The following KIAA1671 variants were observed in gnomAD, a reference collection of about 807,000 sequenced individuals.
KIAA1671 encodes the protein uncharacterized protein KIAA1671.
Under a neutral mutation model 131.2 loss-of-function variants are expected in KIAA1671, and 52 were observed. The observed-to-expected ratio is 0.40, with a 90% CI of 0.32 to 0.50. The LOEUF (loss-of-function observed/expected upper bound fraction) is 0.50. KIAA1671 is among the 20% of genes least tolerant of loss of function. The pLI, the probability that KIAA1671 is intolerant of heterozygous loss-of-function variation, is 0.73. For synonymous variants in KIAA1671, 1,003 were observed against 961.6 expected, an observed-to-expected ratio of 1.04 and a Z score of -0.80; for missense variants, 2,360 against 2,364.2, an observed-to-expected ratio of 1.00 and a Z score of 0.04.
intron 6 of KIAA1671, among the ~76,000 whole-genome samples, chr22:25,117,030 G>A (rs1409089339): frequency 1.3e-5 from 2 of 152,150 alleles, no homozygotes; most frequent in Non-Finnish European, 2.9e-5. Context: ...TGCATTGTAA[G>A]CTTATCCCTG....
At chr22:25,063,007 T>C (rs1418967702) in intron 6 of KIAA1671, 1 of 152,056 alleles carries the variant, frequency 6.6e-6, no homozygotes, top group African/African-American at 2.4e-5. Context: ...TCCCTCTTAT[T>C]GCTCTGCTAG....
At chr22:25,036,009 T>C (rs1054803907) in intron 4 of KIAA1671, among the ~76,000 whole-genome samples, 97 of 152,310 alleles carry the variant, frequency 6.4e-4, no homozygotes, top group Non-Finnish European at 9.6e-4. Context: ...AGTTTGAGGC[T>C]GCAGTGAGCT....
intron 6 of KIAA1671, among the ~76,000 whole-genome samples, chr22:25,114,008 G>A (rs1243060591): frequency 6.6e-6 from 1 of 152,146 alleles, no homozygotes; most frequent in East Asian, 1.9e-4. Context: ...TGTGACCATG[G>A]GCATTGGCAT....
intron 1 of KIAA1671, among the ~76,000 whole-genome samples, chr22:24,963,463 T>C (rs1245444229): frequency 6.7e-6 from 1 of 150,312 alleles, no homozygotes; most frequent in Non-Finnish European, 1.5e-5. Flanking sequence ...GTTTCCAAAG[T>C]AAGCTGGGTG....
At chr22:25,166,316 G>T (rs994793027) in intron 6 of KIAA1671, among the ~76,000 whole-genome samples, 3 of 152,122 alleles carry the variant, frequency 2.0e-5, no homozygotes, top group African/African-American at 7.2e-5. Flanking sequence ...GGAGAGTTCA[G>T]ATCCCTGAAC....
intron 1 of KIAA1671, among the ~76,000 whole-genome samples, chr22:24,984,290 C>G (rs1359780007): frequency 3.9e-5 from 6 of 152,186 alleles, no homozygotes; most frequent in Non-Finnish European, 8.8e-5. Flanking sequence ...ACTTTTATCT[C>G]TTGAGGAAAT....
In KIAA1671 at chr22:25,142,159, A is replaced by AC. The variant is rs1417351529; in HGVS notation, c.4531-28660dup. On this transcript the variant is annotated intron_variant, in intron 6 of 12. Coordinates refer to ENST00000358431, the MANE Select transcript of KIAA1671 (RefSeq NM_001145206.2). Reference sequence around the variant, plus strand: ...ACCTCTGCAATCCCTGCAATTCCACACTAGCATCCTAGGGGTTGGGGGCAC... The same window carrying AC: ...ACCTCTGCAATCCCTGCAATTCCACACCTAGCATCCTAGGGGTTGGGGGCAC... 9.9e-5 allele frequency among the ~76,000 whole-genome samples: 15 copies of AC among 152,208 alleles called. No homozygotes were observed. In the East Asian group the frequency reaches 2.7e-3, roughly 27 times the overall value.
intron 6 of KIAA1671, among the ~76,000 whole-genome samples, chr22:25,127,407 C>T (rs1932235351): frequency 1.3e-5 from 2 of 152,278 alleles, no homozygotes; most frequent in South Asian, 4.2e-4. Flanking sequence ...CATTTTCTCT[C>T]CAGAGTGACC....
At chr22:25,075,686 A>G (rs1929065109) in intron 6 of KIAA1671, among the ~76,000 whole-genome samples, 1 of 149,956 alleles carries the variant, frequency 6.7e-6, no homozygotes. Flanking sequence ...TTTAGTAGAG[A>G]TGGGGTTTCA....
At chr22:24,972,325 G>A (rs1426908500) in intron 1 of KIAA1671, among the ~76,000 whole-genome samples, 1 of 152,156 alleles carries the variant, frequency 6.6e-6, no homozygotes, top group Admixed American at 6.5e-5. Flanking sequence ...AGGACCCTGT[G>A]CTCATAAGCA....
chr22:25,038,682 T>G, intron 4 of KIAA1671, 78 bp from the exon 5 acceptor site: 1 of 1,377,532 alleles, frequency 7.3e-7, no homozygotes, highest in East Asian at 2.5e-5. Context: ...AGCAGCCCTT[T>G]CAATTACTCC....
chr22:25,093,828 C>CTCTCTCTCTCTCTT (rs1930245780), intron 6 of KIAA1671, among the ~76,000 whole-genome samples: 2 of 88,430 alleles, frequency 2.3e-5, no homozygotes, highest in East Asian at 3.3e-4. Flanking sequence ...CTCTCTTTCT[C>CTCTCTCTCTCTCTT]TCTCTGTCTG....
intron 6 of KIAA1671, among the ~76,000 whole-genome samples, chr22:25,096,198 C>T (rs546309070): frequency 6.6e-6 from 1 of 152,348 alleles, no homozygotes; most frequent in South Asian, 2.1e-4. Flanking sequence ...ACACTCGACA[C>T]ACCAACTCTA....
At chr22:24,997,842 A>T (rs1274025158) in intron 1 of KIAA1671, among the ~76,000 whole-genome samples, 1 of 152,196 alleles carries the variant, frequency 6.6e-6, no homozygotes, top group African/African-American at 2.4e-5. Context: ...CAGGTCCCAG[A>T]GAGCATCTTT....
At position 25,177,338 on chromosome 22, in the gene KIAA1671, G is replaced by A. The variant is rs552397227; in HGVS notation, c.4900-10G>A. The A allele has an allele frequency of 2.9e-5, 45 of 1,541,566 alleles. No individual in the cohort carries two copies. The African/African-American group carries it at 5.2e-4, about 18-fold the overall frequency. On this transcript the variant is annotated splice_polypyrimidine_tract_variant and intron_variant, in intron 8 of 12. Transcript: ENST00000358431. ...GATTTTTTTCCTCTTCCTCCCTGCTGCTCCCAAAGCAAACCTCAGTCCTCG... is the reference window on the plus strand; with the variant it reads ...GATTTTTTTCCTCTTCCTCCCTGCTACTCCCAAAGCAAACCTCAGTCCTCG...
chr22:25,189,464 T>G (rs1162268058), intron 11 of KIAA1671, among the ~76,000 whole-genome samples: 1 of 152,096 alleles, frequency 6.6e-6, no homozygotes, highest in East Asian at 1.9e-4. Context: ...TGAGCCACCG[T>G]GCCTGGCGAG....
At position 25,039,063 on chromosome 22, in the gene KIAA1671, G is replaced by A; in HGVS notation, c.1933G>A (p.Val645Ile). ...CCCTGGTGACATGGCCCATGCCCGT[G>A]TCTCAGAACCCAGGCCGAGGCCTGA... ...TPPGDMAHAR[V>I]SEPRPRPEMG... Residue 645 changes from valine to isoleucine, a missense_variant, in exon 5 of 13, where the codon GTC becomes ATC. By Grantham distance (29) the Val-to-Ile change is conservative. Around this residue, in one of 3 missense-constraint regions of KIAA1671, gnomAD observed 1,185 missense variants for 1,126.2 expected, o/e 1.05. Coordinates refer to ENST00000358431, the MANE Select transcript of KIAA1671 (RefSeq NM_001145206.2). The A allele has an allele frequency of 1.3e-6, 2 of 1,551,704 alleles. No individual in the cohort carries two copies.
chr22:25,130,725 C>T (rs983496577), intron 6 of KIAA1671, among the ~76,000 whole-genome samples: 1 of 152,226 alleles, frequency 6.6e-6, no homozygotes, highest in African/African-American at 2.4e-5. Flanking sequence ...TTCCCGGCAC[C>T]TGCAGCACAG....
At chr22:25,079,372 G>A (rs1196172516) in intron 6 of KIAA1671, among the ~76,000 whole-genome samples, 3 of 152,096 alleles carry the variant, frequency 2.0e-5, no homozygotes, top group Non-Finnish European at 4.4e-5. Flanking sequence ...TGTGATTATA[G>A]GGGCCCGGCC....
Sources: allele counts gnomAD v4.1 joint callset (sites outside exome capture counted in the v4.1 genomes callset), GRCh38; gene constraint gnomAD v4.1.1; regional missense constraint gnomAD v4.1.1; transcripts MANE v1.5; gene names NCBI Gene and HGNC (gene_info 2026-07-23, HGNC 2026-07-21).